Variants in SAPCD2 observed in about 807,000 individuals in gnomAD.
SAPCD2 encodes suppressor APC domain containing 2, also known as suppressor APC domain-containing protein 2.
SAPCD2 carries 34 observed loss-of-function variants against 37.8 expected under a neutral mutation model. The ratio of observed to expected loss-of-function variants is 0.90; its 90% CI spans 0.68 to 1.20. The LOEUF (loss-of-function observed/expected upper bound fraction) is 1.20. Among genes scored for constraint, SAPCD2 ranks in the 50% most tolerant of loss-of-function variants. The pLI, the probability that SAPCD2 is intolerant of heterozygous loss-of-function variation, is 0.00. For synonymous variants in SAPCD2, 275 were observed against 270.3 expected (o/e 1.02, Z -0.17); for missense variants, 572 against 584.7 (o/e 0.98, Z 0.22).
At chr9:137,065,942 C>T (rs956274270) in intron 2 of SAPCD2, among the ~76,000 whole-genome samples, 6 of 152,300 alleles carry the variant, frequency 3.9e-5, no homozygotes, top group African/African-American at 1.2e-4. Flanking sequence ...GGAGGGGTGA[C>T]GGACCCTTCA....
In SAPCD2 at chr9:137,064,522, G is replaced by C. The variant is rs1268971121; in HGVS notation, c.*137C>G. The C allele has an allele frequency of 1.6e-5, 16 of 1,016,090 alleles. No homozygotes were observed. The highest frequency in any genetic ancestry group is 4.8e-5 in the South Asian group (3 of 62,716). The allele number at this position is 1,016,090 out of a possible 1,614,324, so 62.9% of individuals were successfully genotyped here. A position where few individuals can be genotyped will look rare whatever the true frequency, so the allele number is the denominator to read the frequency against. On this transcript the variant is annotated 3_prime_UTR_variant, in exon 6 of 6. Coordinates refer to ENST00000409687, the MANE Select transcript of SAPCD2 (RefSeq NM_178448.4). ...CTGGGGAGCCCATCTGGCAAGGGCGGCAGGAAGGCGCCCACTCCGGGACTG... is the reference window on the plus strand; with the variant it reads ...CTGGGGAGCCCATCTGGCAAGGGCGCCAGGAAGGCGCCCACTCCGGGACTG...
intron 3 of SAPCD2, 47 bp from the exon 4 acceptor site, chr9:137,065,232 G>A: frequency 1.5e-6 from 2 of 1,326,798 alleles, no homozygotes; most frequent in Non-Finnish European, 2.0e-6. Flanking sequence ...GGTCCAGCCG[G>A]GGCCAGCAAG....
At chr9:137,069,304 T>C (rs938118614) in intron 1 of SAPCD2, among the ~76,000 whole-genome samples, 3 of 152,132 alleles carry the variant, frequency 2.0e-5, no homozygotes, top group Admixed American at 1.3e-4. Context: ...GCATCTGCCA[T>C]AGTACAGCCC....
chr9:137,067,281 G>GC (rs1832559415), intron 1 of SAPCD2, among the ~76,000 whole-genome samples: 1 of 150,944 alleles, frequency 6.6e-6, no homozygotes, highest in Non-Finnish European at 1.5e-5. Flanking sequence ...GAGCCACTGT[G>GC]CCCGGCCGGC....
intron 1 of SAPCD2, among the ~76,000 whole-genome samples, chr9:137,066,954 T>A (rs1832554466): frequency 6.6e-6 from 1 of 151,986 alleles, no homozygotes; most frequent in Non-Finnish European, 1.5e-5. Flanking sequence ...CTCAGGAGTT[T>A]GAGACCAGCC....
chr9:137,065,615 C>T lies in SAPCD2; in HGVS notation c.738G>A (p.Leu246=), dbSNP rs1227962280. 5 of 1,611,122 alleles carry T rather than the reference C, an allele frequency of 3.1e-6. No homozygotes were observed. Among genetic ancestry groups the T allele is most frequent in the Middle Eastern group, 1.7e-4 (1 of 6,050 alleles). The change falls in exon 3 of 6, where the codon TTG becomes TTA. Residue 246 remains leucine (L), a synonymous_variant. Transcript: ENST00000409687. The stretch of plus-strand genomic sequence containing the variant: ...AGTCGCGGCCCCGCGCCATCATCTC[C>T]AAACCCTGCAGCAGCACCTCCTTCT... ...EQEKEVLLQG[L]EMMARGRDWY...
rs776509510 is a variant in SAPCD2, at chr9:137,065,097, G to A, written c.920C>T (p.Ala307Val). Residue 307 changes from alanine to valine, a missense_variant, in exon 4 of 6, where the codon GCT becomes GTT. Ala to Val is a moderately conservative substitution (Grantham distance 64). Coordinates refer to ENST00000409687, the MANE Select transcript of SAPCD2 (RefSeq NM_178448.4). ...EVARCLGELL[A>V]AACASRALPP... ...ACTCACCCGGCTGGCACAGGCTGCAGCCAGCAGCTCCCCCAGGCACCGGGC... is the reference window on the plus strand; with the variant it reads ...ACTCACCCGGCTGGCACAGGCTGCAACCAGCAGCTCCCCCAGGCACCGGGC... 1.1e-5 allele frequency: 17 copies of A among 1,537,876 alleles called. No homozygotes were observed. Among genetic ancestry groups the A allele is most frequent in the Non-Finnish European group, 1.4e-5 (16 of 1,141,840 alleles).
rs773495264 is a variant in SAPCD2 at position 137,070,336 on chromosome 9, C to G, written c.125G>C (p.Arg42Pro). 1.4e-6 allele frequency: 2 copies of G among 1,472,376 alleles called. No homozygotes were observed. The highest frequency in any genetic ancestry group is 1.8e-6 in the Non-Finnish European group (2 of 1,114,042). 91.2% of individuals were successfully genotyped at this position (1,472,376 alleles called of 1,614,324 possible). Residue 42 changes from arginine (R) to proline (P), a missense_variant, in exon 1 of 6, where the codon CGG becomes CCG. Coordinates refer to ENST00000409687, the MANE Select transcript of SAPCD2 (RefSeq NM_178448.4). ...LRTLFDILDD[R>P]RRGCVHLREI... ...GCGCAGGTGCACGCAGCCGCGCCGC[C>G]GGTCGTCCAGGATGTCGAACAGGGT...
rs1483825590 is a variant in SAPCD2 at position 137,070,035 on chromosome 9, C to T, written c.426G>A (p.Leu142=). 3 of 1,200,688 alleles carry T rather than the reference C, an allele frequency of 2.5e-6. No homozygotes were observed. Among genetic ancestry groups the T allele is most frequent in the Non-Finnish European group, 3.1e-6 (3 of 967,764 alleles). The allele number at this position is 1,200,688 out of a possible 1,614,324, so 74.4% of individuals were successfully genotyped here. A position where few individuals can be genotyped will look rare whatever the true frequency, so the allele number is the denominator to read the frequency against. The change falls in exon 1 of 6, where the codon CTG becomes CTA. Residue 142 remains leucine (L), a synonymous_variant. Transcript: ENST00000409687. The part of the protein sequence containing the change: ...RTVLERKPLP[L]GVRAPLAGPS... ...GACCGGCCAGAGGGGCGCGCACGCC[C>T]AGGGGCAGGGGCTTCCTCTCCAGGA...
In SAPCD2 at chr9:137,069,969, C is replaced by T; in HGVS notation, c.492G>A (p.Pro164=). ...CCGCGGGGCAGGGCGCCGCCTCAGC[C>T]GGGGCGCACAGCTGCTCCGGGCTGC... ...AARSPEQLCA[P]AEAAPCPAEP... The change falls in exon 1 of 6, where the codon CCG becomes CCA. Residue 164 remains proline (P), a synonymous_variant. Transcript: ENST00000409687. The T allele has an allele frequency of 1.6e-6, 2 of 1,248,094 alleles. No homozygotes were observed. Among genetic ancestry groups the T allele is most frequent in the Non-Finnish European group, 1.0e-6 (1 of 997,656 alleles). 77.3% of individuals were successfully genotyped at this position (1,248,094 alleles called of 1,614,324 possible).
In SAPCD2 at chr9:137,070,541, C is replaced by T. The variant is rs969526073; in HGVS notation, c.-81G>A. ...GGAGGGGCCGGCCCGGCGAGCTCAG[C>T]CCACGGCGACAATAGCGACTACTTT... is the stretch of plus-strand genomic sequence containing the variant. On this transcript the variant is annotated 5_prime_UTR_variant, in exon 1 of 6. Coordinates refer to ENST00000409687, the MANE Select transcript of SAPCD2 (RefSeq NM_178448.4). 4 of 914,780 alleles carry T rather than the reference C, an allele frequency of 4.4e-6. No homozygotes were observed. The East Asian group carries it at 1.5e-4, about 34-fold the overall frequency. The allele number at this position is 914,780 out of a possible 1,614,324, so 56.7% of individuals were successfully genotyped here.
intron 1 of SAPCD2, 120 bp from the exon 2 acceptor site, chr9:137,066,494 G>T (rs1185024479): frequency 7.3e-6 from 5 of 689,186 alleles, no homozygotes; most frequent in Non-Finnish European, 1.2e-5. Context: ...GCCTGGCATG[G>T]CCCACGTGTA....
chr9:137,070,498 G>A lies in SAPCD2; in HGVS notation c.-38C>T. 4 of 1,183,470 alleles carry A rather than the reference G, an allele frequency of 3.4e-6. No individual in the cohort carries two copies. Among genetic ancestry groups the A allele is most frequent in the Non-Finnish European group, 4.2e-6 (4 of 951,884 alleles). The allele number at this position is 1,183,470 out of a possible 1,614,324, so 73.3% of individuals were successfully genotyped here. On this transcript the variant is annotated 5_prime_UTR_variant, in exon 1 of 6. In the 5' UTR this introduces an upstream ATG that the reference lacks. Transcript: ENST00000409687. ...TCGGTCCCCTCGTCCACCCGCGTGCGTCCCAGCGCGGCCCCACGGAGGGGC... is the reference window on the plus strand; with the variant it reads ...TCGGTCCCCTCGTCCACCCGCGTGCATCCCAGCGCGGCCCCACGGAGGGGC...
In SAPCD2 at chr9:137,064,971, GGGCAGGGCCTGCGGGAGGGCAGGATTA is replaced by G. The variant is rs1564260312; in HGVS notation, c.940-19_947del. The G allele has an allele frequency of 2.0e-6, 3 of 1,527,292 alleles. No individual in the cohort carries two copies. The highest frequency in any genetic ancestry group is 2.7e-6 in the Non-Finnish European group (3 of 1,128,412). The allele number at this position is 1,527,292 out of a possible 1,614,324, so 94.6% of individuals were successfully genotyped here. A position where few individuals can be genotyped will look rare whatever the true frequency, so the allele number is the denominator to read the frequency against. ...GGCAGGGGGGCCCGGAGGAGGACGGGGGCAGGGCCTGCGGGAGGGCAGGATTAGGCAGGCCTGGACGAGGGCGGGGAA... is the reference window on the plus strand; with the variant it reads ...GGCAGGGGGGCCCGGAGGAGGACGGGGGCAGGCCTGGACGAGGGCGGGGAA... On this transcript the variant is annotated splice_acceptor_variant and splice_polypyrimidine_tract_variant and coding_sequence_variant and intron_variant, in exon 5 of 6. Coordinates refer to ENST00000409687, the MANE Select transcript of SAPCD2 (RefSeq NM_178448.4). LOFTEE classifies it high-confidence loss of function.
intron 1 of SAPCD2, among the ~76,000 whole-genome samples, chr9:137,067,091 G>C (rs995299042): frequency 6.6e-6 from 1 of 152,138 alleles, no homozygotes; most frequent in Non-Finnish European, 1.5e-5. Flanking sequence ...AGGTTCAAGT[G>C]ATTCTCCGGT....
chr9:137,066,072 T>C (rs1268472011), intron 2 of SAPCD2, among the ~76,000 whole-genome samples, 190 bp downstream of exon 2: 4 of 152,192 alleles, frequency 2.6e-5, no homozygotes, highest in African/African-American at 9.6e-5. Flanking sequence ...CTAAACGACC[T>C]CTTGACCTCC....
rs1252215815 is a variant in SAPCD2, at chr9:137,066,374, C to T, written c.572G>A (p.Gly191Asp). Reference protein sequence around the residue: ...ALEPSSSADAGAVACRALEAD... With the variant: ...ALEPSSSADADAVACRALEAD... ...CTCCAGGGCCCTGCACGCCACTGCA[C>T]CTGTTATGGAGAGGCATGGGCCTGG... Residue 191 changes from glycine to aspartate, a missense_variant and splice_region_variant, in exon 2 of 6, where the codon GGT (glycine) becomes GAT (aspartate). Gly to Asp is a moderately conservative substitution (Grantham distance 94, BLOSUM62 -1). Transcript: ENST00000409687. 1 of 1,596,232 alleles carries T rather than the reference C, an allele frequency of 6.3e-7. No homozygotes were observed. Among genetic ancestry groups the T allele is most frequent in the Admixed American group, 1.7e-5 (1 of 58,400 alleles).
chr9:137,065,696 C>A (rs1205231030), intron 2 of SAPCD2, 28 bp from the exon 3 acceptor site: 1 of 1,581,250 alleles, frequency 6.3e-7, no homozygotes, highest in African/African-American at 1.3e-5. Flanking sequence ...ACATGGAATG[C>A]CTGGCCCCAG....
At position 137,068,465 on chromosome 9, in the gene SAPCD2, C is replaced by T. The variant is rs12352067; in HGVS notation, c.571+1425G>A. On this transcript the variant is annotated intron_variant, in intron 1 of 5. Transcript: ENST00000409687. Reference sequence around the variant, plus strand: ...GGCCACAGCCAGCCTGGAGCAAACACGCAGTCCCAGGTGGGAACAAGGAAA... The same window carrying T: ...GGCCACAGCCAGCCTGGAGCAAACATGCAGTCCCAGGTGGGAACAAGGAAA... Among the ~76,000 whole-genome samples the T allele has an allele frequency of 4.9e-3, 742 of 152,356 alleles. 13 individuals carry two copies. The highest frequency in any genetic ancestry group is 0.017 in the African/African-American group (707 of 41,574).
Sources: gnomAD v4.1 joint callset for allele counts (sites outside exome capture counted in the v4.1 genomes callset) on GRCh38, gnomAD v4.1.1 for gene constraint, MANE v1.5 for transcripts, NCBI Gene and HGNC (gene_info 2026-07-23, HGNC 2026-07-21) for gene names.